Variants in NAV3 observed in about 807,000 individuals in gnomAD.
NAV3 encodes the protein pore membrane and/or filament interacting like protein 1.
In NAV3, 87 loss-of-function variants were observed where a neutral mutation model predicts 244.7. That is an observed-to-expected ratio of 0.36 (90% CI 0.30 to 0.42). The LOEUF (loss-of-function observed/expected upper bound fraction) is 0.42. NAV3 is among the 20% of genes least tolerant of loss of function. The pLI, the probability that NAV3 is intolerant of heterozygous loss-of-function variation, is 1.00. For synonymous variants in NAV3, 1,126 were observed against 1,042.2 expected (o/e 1.08, Z -1.55); for missense variants, 2,663 against 2,893.3 (o/e 0.92, Z 1.83).
chr12:78,185,265 T>A (rs959081564), intron 30 of NAV3, among the ~76,000 whole-genome samples: 66 of 152,008 alleles, frequency 4.3e-4, no homozygotes, highest in Admixed American at 1.3e-3. Flanking sequence ...GCTGTCAGTT[T>A]GTCATGGTTA....
At chr12:78,140,148 G>C in intron 19 of NAV3, 134 bp from the exon 20 acceptor site, 1 of 704,208 alleles carries the variant, frequency 1.4e-6, no homozygotes, top group Non-Finnish European at 2.4e-6. Flanking sequence ...ATAGCAGGCT[G>C]GTTCTCAGAA....
At chr12:78,000,582 C>G (rs1873091172) in intron 7 of NAV3, among the ~76,000 whole-genome samples, 1 of 137,000 alleles carries the variant, frequency 7.3e-6, no homozygotes, top group African/African-American at 2.7e-5. Flanking sequence ...CGGCTCACTG[C>G]AAGCTCCGCC....
intron 2 of NAV3, among the ~76,000 whole-genome samples, chr12:77,726,924 G>A (rs1876903363): frequency 6.6e-6 from 1 of 151,856 alleles, no homozygotes; most frequent in Non-Finnish European, 1.5e-5. Flanking sequence ...GTATGCCAAG[G>A]TAATAATATG....
chr12:78,069,699 T>C (rs1952656118), intron 12 of NAV3, among the ~76,000 whole-genome samples: 1 of 152,194 alleles, frequency 6.6e-6, no homozygotes, highest in Admixed American at 6.6e-5. Context: ...AGCAGAATCC[T>C]ATCTGATCTG....
chr12:78,126,789 C>T (rs2138798202), intron 16 of NAV3, among the ~76,000 whole-genome samples: 1 of 152,246 alleles, frequency 6.6e-6, no homozygotes, highest in Non-Finnish European at 1.5e-5. Flanking sequence ...GTCACTCTAA[C>T]TTAGCCAGAG....
intron 1 of NAV3, among the ~76,000 whole-genome samples, chr12:77,907,693 C>T (rs1477490315): frequency 6.6e-6 from 1 of 152,066 alleles, no homozygotes; most frequent in Non-Finnish European, 1.5e-5. Context: ...GTCCTCATAA[C>T]AACCCTATAG....
chr12:77,666,272 CAGT>C (rs1245612738), intron 2 of NAV3, among the ~76,000 whole-genome samples: 2 of 143,112 alleles, frequency 1.4e-5, no homozygotes, highest in African/African-American at 5.2e-5. Context: ...ATTGGCCAAA[CAGT>C]AGATCTTGAT....
At chr12:78,146,294 T>C in intron 20 of NAV3, 75 bp from the exon 21 acceptor site, 1 of 556,056 alleles carries the variant, frequency 1.8e-6, no homozygotes, top group Non-Finnish European at 2.9e-6. Flanking sequence ...TCATGATTAT[T>C]GTATTCATTT....
intron 2 of NAV3, among the ~76,000 whole-genome samples, chr12:77,722,149 T>G (rs569408155): frequency 4.6e-5 from 7 of 152,212 alleles, no homozygotes; most frequent in Non-Finnish European, 1.5e-5. Context: ...ATATTTTTCT[T>G]TATCCTCTTG....
At chr12:77,994,979 TTTAGA>T in intron 6 of NAV3, 108 bp downstream of exon 6, 1 of 712,412 alleles carries the variant, frequency 1.4e-6, no homozygotes, top group Non-Finnish European at 2.3e-6. Context: ...GAATGAGAAG[TTTAGA>T]GCACTAAATT....
At chr12:78,145,044 G>T in intron 20 of NAV3, 1 of 309,902 alleles carries the variant, frequency 3.2e-6, no homozygotes. Context: ...TATGTTTTAA[G>T]GCAATGAAAC....
chr12:77,987,698 C>T (rs776665855), intron 5 of NAV3, among the ~76,000 whole-genome samples: 1 of 152,060 alleles, frequency 6.6e-6, no homozygotes, highest in South Asian at 2.1e-4. Context: ...GAGAACAACG[C>T]AGTCTGTTTA....
chr12:77,766,951 A>G (rs1436776711), intron 2 of NAV3, among the ~76,000 whole-genome samples: 1 of 151,788 alleles, frequency 6.6e-6, no homozygotes, highest in Non-Finnish European at 1.5e-5. Context: ...ACAGGGTTTC[A>G]CAGTGTTGGC....
chr12:77,963,457 G>T (rs1892211039), intron 3 of NAV3, among the ~76,000 whole-genome samples: 1 of 152,022 alleles, frequency 6.6e-6, no homozygotes, highest in Admixed American at 6.6e-5. Context: ...AAATGTTATT[G>T]AATTTACAGA....
At chr12:77,793,288 A>G (rs1173098820) in intron 2 of NAV3, among the ~76,000 whole-genome samples, 4 of 152,148 alleles carry the variant, frequency 2.6e-5, no homozygotes, top group Non-Finnish European at 4.4e-5. Context: ...AGAAGTGGTA[A>G]GTATTTCTCT....
intron 1 of NAV3, among the ~76,000 whole-genome samples, chr12:77,864,488 A>G (rs1879716875): frequency 6.6e-6 from 1 of 151,996 alleles, no homozygotes; most frequent in African/African-American, 2.4e-5. Flanking sequence ...GTCACCCTAC[A>G]TAGTAAATAA....
At chr12:77,833,742 T>G in intron 1 of NAV3, among the ~76,000 whole-genome samples, 1 of 152,144 alleles carries the variant, frequency 6.6e-6, no homozygotes, top group South Asian at 2.1e-4. Context: ...GCTTGGAGGA[T>G]GAGTGCAAGG....
At chr12:77,922,696 T>A (rs1262411903) in intron 1 of NAV3, among the ~76,000 whole-genome samples, 3 of 152,172 alleles carry the variant, frequency 2.0e-5, no homozygotes, top group Non-Finnish European at 4.4e-5. Flanking sequence ...TTGAGAATAA[T>A]AATGAGTGTT....
chr12:77,650,029 T>G (rs1227454173), intron 2 of NAV3, among the ~76,000 whole-genome samples: 2 of 152,170 alleles, frequency 1.3e-5, no homozygotes, highest in African/African-American at 2.4e-5. Context: ...TGTGTTCTTT[T>G]TGTCTTAAGT....
Sources: allele counts gnomAD v4.1 joint callset (sites outside exome capture counted in the v4.1 genomes callset), GRCh38; gene constraint gnomAD v4.1.1; transcripts MANE v1.5; gene names NCBI Gene and HGNC (gene_info 2026-07-23, HGNC 2026-07-21).